ANKRD16: variants seen among roughly 807,000 people sequenced by gnomAD.
ANKRD16 encodes the protein ankyrin repeat domain 16.
A neutral mutation model predicts 37.9 loss-of-function variants in ANKRD16; 35 were observed. The observed-to-expected ratio is 0.92, with a 90% confidence interval of 0.71 to 1.23. The LOEUF is 1.23. ANKRD16 is among the 50% of genes most tolerant of loss of function. ANKRD16 has a pLI of 0.00. For synonymous variants in ANKRD16, 206 were observed against 197.2 expected, an observed-to-expected ratio of 1.04 and a Z score of -0.37; for missense variants, 480 against 469.9, an observed-to-expected ratio of 1.02 and a Z score of -0.20.
chr10:5,881,877 C>T lies in ANKRD16; in HGVS notation c.849+1129G>A, dbSNP rs1390938439. ...TAATTTTTTGTATTTTTAGTAGAGA[C>T]GGGGTTTCACCGTGTTAGCCAGGAT... On this transcript the variant is annotated intron_variant, in intron 5 of 7. Transcript: ENST00000380094. 4.6e-5 allele frequency among the ~76,000 whole-genome samples: 7 copies of T among 151,768 alleles called. No individual in the cohort carries two copies. The South Asian group carries it at 6.2e-4, about 14-fold the overall frequency.
rs1193282594 is a variant in ANKRD16, at chr10:5,887,831, G to A, written c.535+16C>T. Reference sequence around the variant, plus strand: ...CACATGTGTGTACTGCTCACCTGCAGAGCTGTAGGCTGTACCTGCAGTATG... The same window carrying A: ...CACATGTGTGTACTGCTCACCTGCAAAGCTGTAGGCTGTACCTGCAGTATG... On this transcript the variant is annotated intron_variant, in intron 2 of 7. Transcript: ENST00000380094. 1 of 1,609,508 alleles carries A rather than the reference G, an allele frequency of 6.2e-7. No homozygotes were observed. Among genetic ancestry groups the A allele is most frequent in the Non-Finnish European group, 8.5e-7 (1 of 1,178,256 alleles).
rs542436024 is a variant in ANKRD16, at chr10:5,873,252, G to C, written c.*33+4845C>G. Among the ~76,000 whole-genome samples the C allele has an allele frequency of 3.3e-5, 5 of 151,580 alleles. 1 individual carries two copies. Among genetic ancestry groups the C allele is most frequent in the African/African-American group, 1.2e-4 (5 of 41,328 alleles). On this transcript the variant is annotated intron_variant, in intron 7 of 7. Transcript: ENST00000380094. ...TCACTGTGTTAGCCAGGATGGTCTC[G>C]ATCTCCAGACATCATGATCCGCCCG... is the stretch of plus-strand genomic sequence containing the variant.
intron 5 of ANKRD16, among the ~76,000 whole-genome samples, chr10:5,881,441 TATATATATATATA>T (rs1842308859): frequency 4.7e-5 from 1 of 21,294 alleles, no homozygotes; most frequent in South Asian, 1.0e-3. Flanking sequence ...ATATTATTTA[TATATATATATATA>T]TATATATATA....
In ANKRD16 at chr10:5,889,201, C is replaced by G; in HGVS notation, c.154G>C (p.Val52Leu). The change falls in exon 1 of 8, where the codon GTG becomes CTG. Residue 52 changes from valine (V) to leucine (L), a missense_variant. By Grantham distance (32) the Val-to-Leu change is conservative. Coordinates refer to ENST00000380094, the MANE Select transcript of ANKRD16 (RefSeq NM_019046.3). ...CAGGCCTCGGCCAGATAGGCCAGCA[C>G]GTCCCGATGCCCGTGGCGCGCGGCG... ...HCAARHGHRD[V>L]LAYLAEAWGM... is the part of the protein sequence containing the mutation. 1 of 1,596,226 alleles carries G rather than the reference C, an allele frequency of 6.3e-7. No homozygotes were observed. Among genetic ancestry groups the G allele is most frequent in the African/African-American group, 1.3e-5 (1 of 74,874 alleles).
intron 5 of ANKRD16, among the ~76,000 whole-genome samples, chr10:5,880,745 C>G (rs769084652): frequency 4.6e-5 from 7 of 152,142 alleles, no homozygotes; most frequent in Non-Finnish European, 1.0e-4. Flanking sequence ...ATATTTAACC[C>G]TTTATCTGTA....
At chr10:5,879,512 T>C (rs968097227) in intron 6 of ANKRD16, among the ~76,000 whole-genome samples, 1 of 152,116 alleles carries the variant, frequency 6.6e-6, no homozygotes, top group Non-Finnish European at 1.5e-5. Context: ...AGATGGCCTT[T>C]GGCTCACAGA....
At chr10:5,882,489 A>AAC (rs1233817885) in intron 5 of ANKRD16, among the ~76,000 whole-genome samples, 1 of 152,062 alleles carries the variant, frequency 6.6e-6, no homozygotes, top group Non-Finnish European at 1.5e-5. Flanking sequence ...ACAAACCAAA[A>AAC]AAAAAAAACA....
chr10:5,886,299 C>T (rs567788290), intron 2 of ANKRD16, among the ~76,000 whole-genome samples: 17 of 152,244 alleles, frequency 1.1e-4, no homozygotes, highest in African/African-American at 3.9e-4. Context: ...GAAATGATTC[C>T]TTGGTCCCTA....
chr10:5,872,649 T>C lies in ANKRD16; in HGVS notation c.*33+5448A>G, dbSNP rs371633953. ...TCAGCTCACTGCAAGCTCCACCTCC[T>C]GGATTCACGCCATACTCCTGCCTCA... On this transcript the variant is annotated intron_variant, in intron 7 of 7. Transcript: ENST00000380094. Among the ~76,000 whole-genome samples, 158 of 150,456 alleles carry C rather than the reference T, an allele frequency of 1.1e-3. 1 individual carries two copies. Among genetic ancestry groups the C allele is most frequent in the South Asian group, 4.0e-3 (19 of 4,722 alleles).
chr10:5,873,499 G>C (rs911448972), intron 7 of ANKRD16, among the ~76,000 whole-genome samples: 8 of 152,178 alleles, frequency 5.3e-5, no homozygotes, highest in Non-Finnish European at 1.0e-4. Context: ...AAGACTAAGG[G>C]AAAATAAGAG....
At position 5,870,592 on chromosome 10, in the gene ANKRD16, G is replaced by T. The variant is rs892127564; in HGVS notation, c.*33+7505C>A. ...TTTTTGTATTTTTTGTAGAGGCAGGGTCTCACCATGTTGTCCAGGCTGGTC... is the reference window on the plus strand; with the variant it reads ...TTTTTGTATTTTTTGTAGAGGCAGGTTCTCACCATGTTGTCCAGGCTGGTC... On this transcript the variant is annotated intron_variant, in intron 7 of 7. Transcript: ENST00000380094. The surrounding 1 kb of genome is among the most constrained non-coding windows in gnomAD (Gnocchi z 5.0). 6.6e-6 allele frequency among the ~76,000 whole-genome samples: 1 copy of T among 152,112 alleles called. No individual in the cohort carries two copies. Among genetic ancestry groups the T allele is most frequent in the East Asian group, 1.9e-4 (1 of 5,196 alleles).
In ANKRD16 at chr10:5,889,870, C is replaced by G. The variant is rs1842588100; in HGVS notation, c.-516G>C. Reference sequence around the variant, plus strand: ...AGCCAGGCCCAAGCGTGACCTGCCCCGCACGCGTCCTCAGGGCCGCCCCAG... The same window carrying G: ...AGCCAGGCCCAAGCGTGACCTGCCCGGCACGCGTCCTCAGGGCCGCCCCAG... On this transcript the variant is annotated 5_prime_UTR_variant, in exon 1 of 8. Transcript: ENST00000380094. The G allele has an allele frequency of 6.3e-6, 1 of 159,780 alleles. No individual in the cohort carries two copies. The highest frequency in any genetic ancestry group is 1.4e-5 in the Non-Finnish European group (1 of 73,306). The allele number at this position is 159,780 out of a possible 1,614,324, so 9.9% of individuals were successfully genotyped here.
rs117896067 is a variant in ANKRD16 at position 5,886,713 on chromosome 10, T to C, written c.536-948A>G. Among the ~76,000 whole-genome samples the C allele has an allele frequency of 4.2e-3, 646 of 152,380 alleles. 12 individuals are homozygous for C. In the East Asian group the frequency reaches 0.047, roughly 11 times the overall value. On this transcript the variant is annotated intron_variant, in intron 2 of 7. Transcript: ENST00000380094. ...AGAAAGCTACAAGTTATATTCTGAA[T>C]TTCTTAATCTAGACTCTTGAGCTCC...
At chr10:5,876,740 G>A (rs1472242692) in intron 7 of ANKRD16, among the ~76,000 whole-genome samples, 1 of 152,224 alleles carries the variant, frequency 6.6e-6, no homozygotes, top group Non-Finnish European at 1.5e-5. Context: ...AGGTGGGTGT[G>A]TAATAAGCAC....
chr10:5,884,174 G>A, intron 3 of ANKRD16, 97 bp from the exon 4 acceptor site: 1 of 836,768 alleles, frequency 1.2e-6, no homozygotes, highest in Non-Finnish European at 2.0e-6. Flanking sequence ...CTGCGTGTGT[G>A]CAAATGACCT....
intron 6 of ANKRD16, among the ~76,000 whole-genome samples, chr10:5,879,165 C>G (rs1298047575): frequency 6.6e-6 from 1 of 152,038 alleles, no homozygotes; most frequent in Non-Finnish European, 1.5e-5. Context: ...ACCTGCGAGT[C>G]TTTGAAGCAT....
intron 5 of ANKRD16, among the ~76,000 whole-genome samples, chr10:5,882,409 G>A (rs1446170016): frequency 3.3e-5 from 5 of 151,350 alleles, no homozygotes; most frequent in Non-Finnish European, 2.9e-5. Flanking sequence ...AGGCATGGTG[G>A]CAGGCACCTG....
chr10:5,866,424 A>C lies in ANKRD16; in HGVS notation c.*34-3733T>G, dbSNP rs1033499101. 6.6e-6 allele frequency among the ~76,000 whole-genome samples: 1 copy of C among 152,376 alleles called. No individual in the cohort carries two copies. The highest frequency in any genetic ancestry group is 1.5e-5 in the Non-Finnish European group (1 of 68,042). On this transcript the variant is annotated intron_variant, in intron 7 of 7. Coordinates refer to ENST00000380094, the MANE Select transcript of ANKRD16 (RefSeq NM_019046.3). This position sits in a 1 kb window ranked among gnomAD's most constrained non-coding sequence, Gnocchi z 4.3. ...TGTTAGTGATGTAACAGTACTTGAAAGTAAGTCTCTTCCCCAGGGACCAGT... is the reference window on the plus strand; with the variant it reads ...TGTTAGTGATGTAACAGTACTTGAACGTAAGTCTCTTCCCCAGGGACCAGT...
chr10:5,880,589 A>C (rs184446022), intron 5 of ANKRD16, among the ~76,000 whole-genome samples: 67 of 151,678 alleles, frequency 4.4e-4, no homozygotes, highest in African/African-American at 1.5e-3. Context: ...GAAGAGGAGG[A>C]GGGTATGGTC....
Sources: allele counts gnomAD v4.1 joint callset (sites outside exome capture counted in the v4.1 genomes callset), GRCh38; gene constraint gnomAD v4.1.1; non-coding constraint Gnocchi (gnomAD v3.1); transcripts MANE v1.5; gene names NCBI Gene and HGNC (gene_info 2026-07-23, HGNC 2026-07-21).